PDGFD: variants seen among roughly 807,000 people sequenced by gnomAD.
PDGFD encodes the protein platelet-derived growth factor D.
A neutral mutation model predicts 44.7 loss-of-function variants in PDGFD; 30 were observed. The ratio of observed to expected loss-of-function variants is 0.67; its 90% CI spans 0.50 to 0.91. PDGFD has a LOEUF of 0.91. Ranked by LOEUF, PDGFD falls within the 40% of genes least tolerant of loss-of-function variation. The pLI is 0.00. For missense variants in PDGFD, 445 were observed against 457.8 expected, an observed-to-expected ratio of 0.97 and a Z score of 0.25; for synonymous variants, 173 against 168.4, an observed-to-expected ratio of 1.03 and a Z score of -0.21.
intron 1 of PDGFD, among the ~76,000 whole-genome samples, chr11:104,069,314 C>G (rs531079113): frequency 6.6e-6 from 1 of 152,136 alleles, no homozygotes; most frequent in African/African-American, 2.4e-5. Context: ...CTGTTGTGTG[C>G]TTTTTAACAC....
At chr11:104,104,001 C>A (rs1861435617) in intron 1 of PDGFD, among the ~76,000 whole-genome samples, 1 of 151,754 alleles carries the variant, frequency 6.6e-6, no homozygotes, top group Admixed American at 6.6e-5. Context: ...CAAAGACCTT[C>A]CAGTGCAACA....
At chr11:104,051,084 C>A (rs538414553) in intron 1 of PDGFD, among the ~76,000 whole-genome samples, 3 of 146,794 alleles carry the variant, frequency 2.0e-5, no homozygotes, top group Non-Finnish European at 4.6e-5. Flanking sequence ...AAACAGGCAG[C>A]ACAAGGTGAT....
intron 6 of PDGFD, among the ~76,000 whole-genome samples, chr11:103,917,494 T>C (rs994655820): frequency 6.6e-6 from 1 of 152,232 alleles, no homozygotes; most frequent in African/African-American, 2.4e-5. Context: ...GCCTTTATTT[T>C]TGATTTTGTC....
intron 1 of PDGFD, among the ~76,000 whole-genome samples, chr11:104,005,383 A>C (rs1565308634): frequency 6.6e-6 from 1 of 152,202 alleles, no homozygotes. Context: ...ATTCTTTGCT[A>C]CGGGTAATTG....
chr11:104,083,261 A>G (rs1861073836), intron 1 of PDGFD, among the ~76,000 whole-genome samples: 2 of 152,234 alleles, frequency 1.3e-5, no homozygotes, highest in Non-Finnish European at 2.9e-5. Flanking sequence ...AAAACAGTAG[A>G]TGGTGGCTTA....
At chr11:104,021,140 A>C (rs181570288) in intron 1 of PDGFD, among the ~76,000 whole-genome samples, 1 of 152,332 alleles carries the variant, frequency 6.6e-6, no homozygotes, top group East Asian at 1.9e-4. Context: ...AATGGTAGCT[A>C]GTCCATGGAT....
chr11:104,022,332 C>G (rs1490569090), intron 1 of PDGFD, among the ~76,000 whole-genome samples: 1 of 152,120 alleles, frequency 6.6e-6, no homozygotes, highest in African/African-American at 2.4e-5. Context: ...GGATACTGTT[C>G]AAGATTAATA....
At chr11:104,060,506 C>T (rs537372313) in intron 1 of PDGFD, among the ~76,000 whole-genome samples, 1 of 152,276 alleles carries the variant, frequency 6.6e-6, no homozygotes, top group South Asian at 2.1e-4. Flanking sequence ...TGAAAGGCTG[C>T]CCCTGGGTTG....
chr11:104,010,326 T>G (rs941855872), intron 1 of PDGFD, among the ~76,000 whole-genome samples: 6 of 152,082 alleles, frequency 3.9e-5, no homozygotes, highest in African/African-American at 1.4e-4. Context: ...AAAATTATTC[T>G]TCTTCAAGAA....
rs548749707 is a variant in PDGFD, at chr11:103,929,221, C to T, written c.773-2095G>A. ...GTAAATGGTAAAACTGGAATTGAAGCCTTTCCCCCTTTTGCTCCATAGTCT... is the reference window on the plus strand; with the variant it reads ...GTAAATGGTAAAACTGGAATTGAAGTCTTTCCCCCTTTTGCTCCATAGTCT... On this transcript the variant is annotated intron_variant, in intron 5 of 6. Coordinates refer to ENST00000393158, the MANE Select transcript of PDGFD (RefSeq NM_025208.5). Among the ~76,000 whole-genome samples the T allele has an allele frequency of 9.0e-4, 137 of 152,118 alleles. 1 individual carries two copies. The highest frequency in any genetic ancestry group is 1.2e-3 in the Non-Finnish European group (81 of 68,018).
intron 1 of PDGFD, among the ~76,000 whole-genome samples, chr11:104,052,552 G>A (rs567298827): frequency 6.6e-6 from 1 of 152,088 alleles, no homozygotes; most frequent in East Asian, 1.9e-4. Flanking sequence ...CAGGGAAGGT[G>A]CTCAGTAAGT....
chr11:104,102,796 G>A (rs1207948592), intron 1 of PDGFD, among the ~76,000 whole-genome samples: 1 of 152,106 alleles, frequency 6.6e-6, no homozygotes, highest in Non-Finnish European at 1.5e-5. Context: ...GATGAAGCTG[G>A]AAACCATCAT....
intron 5 of PDGFD, 64 bp downstream of exon 5, chr11:103,943,388 A>G: frequency 1.4e-6 from 2 of 1,452,580 alleles, no homozygotes; most frequent in African/African-American, 2.8e-5. Context: ...GATAAGGGAT[A>G]CTCAGCTTGT....
chr11:104,019,517 T>C (rs1275756380), intron 1 of PDGFD, among the ~76,000 whole-genome samples: 1 of 152,210 alleles, frequency 6.6e-6, no homozygotes, highest in Non-Finnish European at 1.5e-5. Context: ...TAGCATGTAT[T>C]ATTTTGTGCA....
chr11:104,049,204 G>C lies in PDGFD; in HGVS notation c.125-48949C>G, dbSNP rs145193664. Among the ~76,000 whole-genome samples the C allele has an allele frequency of 3.9e-5, 6 of 152,300 alleles. No individual in the cohort carries two copies. In the East Asian group the frequency reaches 1.2e-3, roughly 29 times the overall value. ...GTTCAGGAACATGGGGCAATGGAAC[G>C]GGGATATAGTAGTTTAGACAACAGG... On this transcript the variant is annotated intron_variant, in intron 1 of 6. Coordinates refer to ENST00000393158, the MANE Select transcript of PDGFD (RefSeq NM_025208.5).
intron 1 of PDGFD, among the ~76,000 whole-genome samples, chr11:104,084,860 T>TAATTAATATAGATATTATAAAGTAG (rs1861106296): frequency 6.8e-6 from 1 of 146,482 alleles, no homozygotes; most frequent in African/African-American, 2.5e-5. Flanking sequence ...TTTTAAAATA[T>TAATTAATATAGATATTATAAAGTAG]AATATATAAA....
At chr11:104,070,320 T>A (rs753145569) in intron 1 of PDGFD, among the ~76,000 whole-genome samples, 6 of 152,178 alleles carry the variant, frequency 3.9e-5, no homozygotes, top group Non-Finnish European at 2.9e-5. Context: ...TTTCAACGCA[T>A]TAGTTCACAC....
chr11:103,999,067 T>G (rs1024448519), intron 2 of PDGFD, among the ~76,000 whole-genome samples: 1 of 152,208 alleles, frequency 6.6e-6, no homozygotes, highest in African/African-American at 2.4e-5. Context: ...TCTTCCTTAA[T>G]GTATTCATCT....
chr11:104,161,142 C>G (rs1862382100), intron 1 of PDGFD, among the ~76,000 whole-genome samples: 1 of 152,208 alleles, frequency 6.6e-6, no homozygotes, highest in African/African-American at 2.4e-5. Flanking sequence ...GTTTCTAAAA[C>G]TCCTATTCAA....
Sources: gnomAD v4.1 joint callset for allele counts (sites outside exome capture counted in the v4.1 genomes callset) on GRCh38, gnomAD v4.1.1 for gene constraint, MANE v1.5 for transcripts, NCBI Gene and HGNC (gene_info 2026-07-23, HGNC 2026-07-21) for gene names.